The following GLIS3 variants were observed in gnomAD, a reference collection of about 807,000 sequenced individuals.
The protein encoded by GLIS3 is zinc finger protein GLIS3.
GLIS3 carries 53 observed loss-of-function variants against 78.6 expected under a neutral mutation model. The observed-to-expected ratio is 0.67, with a 90% confidence interval of 0.54 to 0.85. The LOEUF (loss-of-function observed/expected upper bound fraction) is 0.85, where lower values mean the gene tolerates loss of function less well. Ranked by LOEUF, GLIS3 falls within the 40% of genes least tolerant of loss-of-function variation. GLIS3 has a pLI of 0.00. For synonymous variants in GLIS3, 684 were observed against 509.9 expected (o/e 1.34, Z -4.60); for missense variants, 1,703 against 1,231.1 (o/e 1.38, Z -5.74).
At chr9:4,187,940 A>T (rs534401636) in intron 2 of GLIS3, among the ~76,000 whole-genome samples, 127 of 152,212 alleles carry the variant, frequency 8.3e-4, no homozygotes, top group Non-Finnish European at 1.7e-3. Flanking sequence ...TGTCATCTGC[A>T]AACAGGGACA....
the GLIS3 span, among the ~76,000 whole-genome samples, chr9:4,388,979 A>G: frequency 6.6e-6 from 1 of 152,182 alleles, no homozygotes; most frequent in Admixed American, 6.5e-5. Context: ...GGGTAGGGGT[A>G]CCAACAATTG....
chr9:4,338,151 C>A (rs1817781166), intron 2 of GLIS3, among the ~76,000 whole-genome samples: 1 of 152,008 alleles, frequency 6.6e-6, no homozygotes, highest in South Asian at 2.1e-4. Flanking sequence ...CCTATCGCTT[C>A]TCCTGACTAG....
chr9:4,445,376 C>A, the GLIS3 span, among the ~76,000 whole-genome samples: 16 of 152,276 alleles, frequency 1.1e-4, no homozygotes, highest in Non-Finnish European at 1.9e-4. Context: ...CCTATAATCC[C>A]AGCATTTGGG....
At chr9:4,161,079 TAA>T (rs59854446) in intron 2 of GLIS3, among the ~76,000 whole-genome samples, 28,555 of 135,668 alleles carry the variant, frequency 0.21, 3,050 homozygotes, top group South Asian at 0.31. Flanking sequence ...CCCCATCTCT[TAA>T]AAAAAAAAAA....
At chr9:4,093,453 T>A (rs1829690548) in intron 4 of GLIS3, among the ~76,000 whole-genome samples, 1 of 152,170 alleles carries the variant, frequency 6.6e-6, no homozygotes, top group Non-Finnish European at 1.5e-5. Flanking sequence ...TCCCTCGGGT[T>A]GGCAGGGGCT....
At chr9:4,315,202 T>A (rs912621058) in intron 2 of GLIS3, among the ~76,000 whole-genome samples, 18 of 152,218 alleles carry the variant, frequency 1.2e-4, no homozygotes, top group Admixed American at 4.6e-4. Context: ...GTGTCCCAGA[T>A]GCATTTCCTA....
At chr9:3,931,430 G>C (rs1024026027) in intron 6 of GLIS3, among the ~76,000 whole-genome samples, 1 of 152,298 alleles carries the variant, frequency 6.6e-6, no homozygotes, top group South Asian at 2.1e-4. Flanking sequence ...TCAATCACTT[G>C]AAATACGTTG....
At chr9:3,921,168 TA>T (rs1315286676) in intron 6 of GLIS3, among the ~76,000 whole-genome samples, 1 of 152,244 alleles carries the variant, frequency 6.6e-6, no homozygotes, top group Non-Finnish European at 1.5e-5. Context: ...CTGCGATGTG[TA>T]TCTCGAAATG....
intron 4 of GLIS3, among the ~76,000 whole-genome samples, chr9:3,957,747 G>A (rs1817239066): frequency 6.6e-6 from 1 of 152,176 alleles, no homozygotes. Context: ...CATCTCAGAT[G>A]CACAAAGGAA....
At chr9:3,957,086 C>T (rs932292967) in intron 4 of GLIS3, among the ~76,000 whole-genome samples, 16 of 152,138 alleles carry the variant, frequency 1.1e-4, no homozygotes, top group African/African-American at 3.6e-4. Context: ...CACAGTGCAG[C>T]GGAATGGGAA....
chr9:4,002,285 C>T (rs1033590461), intron 4 of GLIS3, among the ~76,000 whole-genome samples: 3 of 152,134 alleles, frequency 2.0e-5, no homozygotes, highest in Non-Finnish European at 4.4e-5. Flanking sequence ...TTCAGAGCCT[C>T]CAGAAGGAAC....
intron 6 of GLIS3, among the ~76,000 whole-genome samples, chr9:3,909,212 T>C (rs1281592427): frequency 3.9e-5 from 6 of 152,246 alleles, no homozygotes; most frequent in Non-Finnish European, 8.8e-5. Context: ...AATGTGGATC[T>C]TGTGGAATTA....
chr9:4,041,168 G>A (rs971009321), intron 4 of GLIS3, among the ~76,000 whole-genome samples: 8 of 152,154 alleles, frequency 5.3e-5, no homozygotes, highest in African/African-American at 9.7e-5. Context: ...ACTGCACATG[G>A]GAATCCCTGG....
intron 2 of GLIS3, among the ~76,000 whole-genome samples, chr9:4,277,880 G>A (rs543621688): frequency 6.6e-6 from 1 of 152,190 alleles, no homozygotes; most frequent in East Asian, 1.9e-4. Context: ...AGGAAGTAGG[G>A]GAAATACAAT....
chr9:3,996,958 G>A (rs572525744), intron 4 of GLIS3, among the ~76,000 whole-genome samples: 4 of 152,232 alleles, frequency 2.6e-5, no homozygotes, highest in East Asian at 1.9e-4. Flanking sequence ...ACCATAGAAC[G>A]CTTAAGGAGA....
chr9:4,367,330 T>C, the GLIS3 span, among the ~76,000 whole-genome samples: 3 of 151,454 alleles, frequency 2.0e-5, no homozygotes, highest in Admixed American at 6.5e-5. Context: ...TGACTTCCCT[T>C]CCCCACTTTC....
At chr9:3,960,200 A>C (rs1817455953) in intron 4 of GLIS3, among the ~76,000 whole-genome samples, 1 of 152,216 alleles carries the variant, frequency 6.6e-6, no homozygotes, top group South Asian at 2.1e-4. Flanking sequence ...GTGAAATTAC[A>C]GGGAGAACAC....
At chr9:4,154,616 C>T (rs1227702996) in intron 2 of GLIS3, among the ~76,000 whole-genome samples, 2 of 105,902 alleles carry the variant, frequency 1.9e-5, no homozygotes, top group Non-Finnish European at 4.0e-5. Context: ...CAATGATAAA[C>T]ATTCATGTAG....
At chr9:4,018,643 G>T (rs547425139) in intron 4 of GLIS3, among the ~76,000 whole-genome samples, 1 of 152,196 alleles carries the variant, frequency 6.6e-6, no homozygotes, top group South Asian at 2.1e-4. Flanking sequence ...AGGAGCAATG[G>T]TTCTCAACTG....
Sources: allele counts gnomAD v4.1 joint callset (sites outside exome capture counted in the v4.1 genomes callset), GRCh38; gene constraint gnomAD v4.1.1; transcripts MANE v1.5; gene names NCBI Gene and HGNC (gene_info 2026-07-23, HGNC 2026-07-21).